The following OBI1 variants were observed in gnomAD, a reference collection of about 807,000 sequenced individuals.
The protein encoded by OBI1 is ORC ubiquitin ligase 1.
Under a neutral mutation model 62.4 loss-of-function variants are expected in OBI1, and 59 were observed. That is an observed-to-expected ratio of 0.95 (90% CI 0.77 to 1.17). The LOEUF is 1.17. OBI1 is among the 50% of genes most tolerant of loss of function. The pLI, the probability that OBI1 is intolerant of heterozygous loss-of-function variation, is 0.00. For missense variants in OBI1, 875 were observed against 830.9 expected, an observed-to-expected ratio of 1.05 and a Z score of -0.65; for synonymous variants, 302 against 292.8, an observed-to-expected ratio of 1.03 and a Z score of -0.32.
chr13:78,621,746 A>G lies in OBI1; in HGVS notation c.639-4624T>C, dbSNP rs188575680. ...GACATGGATGAGAAAAGTGGTGGTG[A>G]AAAGGATGAAGATGTCTAGAGAAAA... On this transcript the variant is annotated intron_variant, in intron 5 of 5. Transcript: ENST00000282003. 2.0e-3 allele frequency among the ~76,000 whole-genome samples: 308 copies of G among 152,340 alleles called. 2 individuals are homozygous for G. The highest frequency in any genetic ancestry group is 6.7e-3 in the African/African-American group (280 of 41,570).
intron 5 of OBI1, among the ~76,000 whole-genome samples, chr13:78,624,878 T>C (rs577967362): frequency 1.3e-4 from 20 of 152,300 alleles, no homozygotes; most frequent in African/African-American, 4.6e-4. Context: ...TGCAACTAGT[T>C]AGCCTCCATT....
chr13:78,651,085 G>C (rs1876530110), intron 1 of OBI1, among the ~76,000 whole-genome samples: 1 of 152,064 alleles, frequency 6.6e-6, no homozygotes, highest in South Asian at 2.1e-4. Context: ...GATACAATCA[G>C]ATTCCAGAGA....
chr13:78,637,113 G>A (rs1876053322), intron 4 of OBI1, among the ~76,000 whole-genome samples: 1 of 152,176 alleles, frequency 6.6e-6, no homozygotes. Flanking sequence ...TAATGACACT[G>A]GCCTCACGAT....
chr13:78,629,370 G>C (rs1465694523), intron 5 of OBI1, among the ~76,000 whole-genome samples: 1 of 152,086 alleles, frequency 6.6e-6, no homozygotes, highest in Non-Finnish European at 1.5e-5. Flanking sequence ...TGACCTAATA[G>C]TATATCCCAT....
intron 1 of OBI1, among the ~76,000 whole-genome samples, chr13:78,652,179 G>A (rs1177895829): frequency 6.6e-6 from 1 of 152,126 alleles, no homozygotes; most frequent in Non-Finnish European, 1.5e-5. Flanking sequence ...ATATTGGAAT[G>A]AGTATTTATC....
chr13:78,658,631 G>C lies in OBI1; in HGVS notation c.72+418C>G, dbSNP rs147259468. Among the ~76,000 whole-genome samples the C allele has an allele frequency of 2.9e-3, 435 of 152,302 alleles. 3 individuals are homozygous for C. The highest frequency in any genetic ancestry group is 0.01 in the African/African-American group (417 of 41,566). Reference sequence around the variant, plus strand: ...CAGAGGATGAACACTAGTTACAGAGGACTAAGAAGCCCGAGGTGAGGCTCC... The same window carrying C: ...CAGAGGATGAACACTAGTTACAGAGCACTAAGAAGCCCGAGGTGAGGCTCC... On this transcript the variant is annotated intron_variant, in intron 1 of 5. Transcript: ENST00000282003.
chr13:78,639,640 C>T (rs1185816802), intron 3 of OBI1, among the ~76,000 whole-genome samples: 3 of 147,036 alleles, frequency 2.0e-5, no homozygotes, highest in Non-Finnish European at 4.5e-5. Flanking sequence ...GGCACATATA[C>T]ACCATGGAAT....
Position 78,615,588 on chromosome 13 carries a change from T to C in OBI1, c.2173A>G (p.Lys725Glu), listed in dbSNP as rs892495130. The C allele has an allele frequency of 1.3e-6, 2 of 1,593,576 alleles. No individual in the cohort carries two copies. Among genetic ancestry groups the C allele is most frequent in the South Asian group, 1.1e-5 (1 of 87,384 alleles). ...GACACCTTTCTAATGAGTCAACTTT[T>C]AGTTGCTTTTGATGGGCTGGCACTG... Reference protein sequence around the residue: ...LSSASPSKATKS With the variant: ...LSSASPSKATES Residue 725 changes from lysine (K) to glutamate (E), a missense_variant, in exon 6 of 6, where the codon AAA becomes GAA. By Grantham distance (56) the Lys-to-Glu change is moderately conservative. Coordinates refer to ENST00000282003, the MANE Select transcript of OBI1 (RefSeq NM_024546.4).
chr13:78,640,888 T>C (rs1424589439), intron 3 of OBI1, among the ~76,000 whole-genome samples: 2 of 152,362 alleles, frequency 1.3e-5, no homozygotes, highest in Non-Finnish European at 1.5e-5. Flanking sequence ...TACCATTTCC[T>C]TCTACTTTTC....
In OBI1 at chr13:78,615,755, C is replaced by G. The variant is rs748446637; in HGVS notation, c.2006G>C (p.Gly669Ala). The change falls in exon 6 of 6, where the codon GGG (glycine) becomes GCG (alanine). Residue 669 changes from glycine to alanine, a missense_variant. Physicochemically the swap from Gly to Ala is moderately conservative, Grantham distance 60. Transcript: ENST00000282003. ...SHRLFEDQRF[G>A]SSLFKMSSEM... ...TGAGGACATCTTAAACAAAGATGAC[C>G]CAAATCTTTGATCTTCAAATAGTCG... The G allele has an allele frequency of 1.2e-6, 2 of 1,613,814 alleles. No individual in the cohort carries two copies. Among genetic ancestry groups the G allele is most frequent in the South Asian group, 2.2e-5 (2 of 91,000 alleles).
At chr13:78,624,749 T>G (rs535258646) in intron 5 of OBI1, among the ~76,000 whole-genome samples, 56 of 152,228 alleles carry the variant, frequency 3.7e-4, no homozygotes, top group African/African-American at 1.1e-3. Context: ...CCACATAGTA[T>G]TGGGTCAGCA....
chr13:78,623,886 G>T (rs933663414), intron 5 of OBI1, among the ~76,000 whole-genome samples: 2 of 152,164 alleles, frequency 1.3e-5, no homozygotes, highest in African/African-American at 4.8e-5. Flanking sequence ...AATTTTAAAA[G>T]ATCATTTATT....
At chr13:78,635,922 C>T (rs1448459666) in intron 4 of OBI1, among the ~76,000 whole-genome samples, 1 of 152,002 alleles carries the variant, frequency 6.6e-6, no homozygotes, top group South Asian at 2.1e-4. Flanking sequence ...GCCACCATGC[C>T]CAGCTAATTT....
intron 1 of OBI1, among the ~76,000 whole-genome samples, chr13:78,654,961 T>G (rs1207550759): frequency 6.6e-6 from 1 of 152,248 alleles, no homozygotes; most frequent in East Asian, 1.9e-4. Flanking sequence ...CTCTGGTTTA[T>G]TGTTTATCTT....
At chr13:78,641,787 G>A (rs1481574299) in intron 3 of OBI1, among the ~76,000 whole-genome samples, 1 of 149,818 alleles carries the variant, frequency 6.7e-6, no homozygotes, top group African/African-American at 2.5e-5. Context: ...ACTTCTTGAG[G>A]AAGCAAATAC....
At chr13:78,642,272 G>C in intron 2 of OBI1, 59 bp from the exon 3 acceptor site, 1 of 1,114,980 alleles carries the variant, frequency 9.0e-7, no homozygotes, top group Non-Finnish European at 1.3e-6. Flanking sequence ...GAATGAAAAT[G>C]ATCCTTTTTC....
At chr13:78,657,707 T>G (rs1183166786) in intron 1 of OBI1, among the ~76,000 whole-genome samples, 3 of 152,152 alleles carry the variant, frequency 2.0e-5, no homozygotes, top group African/African-American at 7.2e-5. Flanking sequence ...ACAAAATACT[T>G]CCCAAGAATA....
chr13:78,645,445 T>A (rs561654337), intron 1 of OBI1, among the ~76,000 whole-genome samples: 1 of 152,296 alleles, frequency 6.6e-6, no homozygotes, highest in African/African-American at 2.4e-5. Context: ...CAGCAACTAT[T>A]AAATATTGTA....
chr13:78,656,792 A>AT (rs869148028), intron 1 of OBI1, among the ~76,000 whole-genome samples: 5,063 of 67,212 alleles, frequency 0.075, 451 homozygotes, highest in African/African-American at 0.19. Context: ...TTTATTTTTA[A>AT]TTTTTTTTTT....
Sources: allele counts gnomAD v4.1 joint callset (sites outside exome capture counted in the v4.1 genomes callset), GRCh38; gene constraint gnomAD v4.1.1; transcripts MANE v1.5; gene names NCBI Gene and HGNC (gene_info 2026-07-23, HGNC 2026-07-21).